NAA16: variants seen among roughly 807,000 people sequenced by gnomAD.
NAA16 encodes the protein NARG1-like protein.
In NAA16, 97 loss-of-function variants were observed where a neutral mutation model predicts 110.3. That is an observed-to-expected ratio of 0.88 (90% CI 0.75 to 1.04). The LOEUF (loss-of-function observed/expected upper bound fraction) is 1.04. Among genes scored for constraint, NAA16 ranks in the 50% least tolerant of loss-of-function variants. The pLI is 0.00. For missense variants in NAA16, 1,017 were observed against 1,005.1 expected (o/e 1.01, Z -0.16); for synonymous variants, 372 against 330.6 (o/e 1.13, Z -1.36).
At chr13:41,370,733 A>G (rs913646593) in intron 15 of NAA16, among the ~76,000 whole-genome samples, 2 of 152,206 alleles carry the variant, frequency 1.3e-5, no homozygotes, top group African/African-American at 4.8e-5. Context: ...CCAAAAGTGT[A>G]GAAGTGGCCT....
rs1487048970 is a variant in NAA16, at chr13:41,358,300, G to T, written c.1088-4G>T. The T allele has an allele frequency of 2.5e-6, 4 of 1,607,480 alleles. No individual in the cohort carries two copies. Among genetic ancestry groups the T allele is most frequent in the Admixed American group, 1.7e-5 (1 of 59,586 alleles). On this transcript the variant is annotated splice_polypyrimidine_tract_variant and splice_region_variant and intron_variant, in intron 10 of 19. Coordinates refer to ENST00000379406, the MANE Select transcript of NAA16 (RefSeq NM_024561.5). Reference sequence around the variant, plus strand: ...ATAATAATTTAATATTTGTTTGATTGCAGAGAATGGGGAGAAGGAACCCCC... The same window carrying T: ...ATAATAATTTAATATTTGTTTGATTTCAGAGAATGGGGAGAAGGAACCCCC...
intron 1 of NAA16, among the ~76,000 whole-genome samples, chr13:41,312,051 G>A (rs1468293974): frequency 6.6e-6 from 1 of 152,252 alleles, no homozygotes; most frequent in East Asian, 1.9e-4. Context: ...ATTAAAGCGG[G>A]ATCGATGCGA....
intron 12 of NAA16, among the ~76,000 whole-genome samples, chr13:41,359,184 T>C (rs973581921): frequency 2.6e-5 from 4 of 152,198 alleles, no homozygotes; most frequent in African/African-American, 9.7e-5. Context: ...TAAAAAACAA[T>C]AGCAAGAGCA....
In NAA16 at chr13:41,367,623, A is replaced by G. The variant is rs573626095; in HGVS notation, c.1724A>G (p.Asn575Ser). 20 of 1,609,608 alleles carry G rather than the reference A, an allele frequency of 1.2e-5. No individual in the cohort carries two copies. Among genetic ancestry groups the G allele is most frequent in the South Asian group, 1.1e-4 (10 of 90,300 alleles). ...AAATTGTATGATAATCCCTTAACCAATGAAAGCAAACAACAAGAAATAAAC... is the reference window on the plus strand; with the variant it reads ...AAATTGTATGATAATCCCTTAACCAGTGAAAGCAAACAACAAGAAATAAAC... The part of the protein sequence containing the change: ...YLKLYDNPLT[N>S]ESKQQEINSE... The change falls in exon 14 of 20, where the codon AAT becomes AGT. Residue 575 changes from asparagine (N) to serine (S), a missense_variant. Transcript: ENST00000379406.
intron 9 of NAA16, among the ~76,000 whole-genome samples, chr13:41,340,360 G>T (rs2042503372): frequency 6.6e-6 from 1 of 152,010 alleles, no homozygotes; most frequent in East Asian, 1.9e-4. Flanking sequence ...GTTAGTTATT[G>T]CCTTCTGCTA....
chr13:41,363,482 A>G (rs1202327144), intron 13 of NAA16, among the ~76,000 whole-genome samples: 2 of 152,202 alleles, frequency 1.3e-5, no homozygotes, highest in Non-Finnish European at 2.9e-5. Context: ...CATTTCTTCT[A>G]ACATTGATGA....
intron 1 of NAA16, among the ~76,000 whole-genome samples, chr13:41,311,783 C>T (rs112389360): frequency 0.053 from 8,033 of 152,294 alleles, 284 homozygotes; most frequent in Non-Finnish European, 0.074. Flanking sequence ...CCGTGCGCTT[C>T]CTTTCCGCGG....
chr13:41,331,323 C>G lies in NAA16; in HGVS notation c.861C>G (p.His287Gln), dbSNP rs754890077. The change falls in exon 8 of 20, where the codon CAC becomes CAG. Residue 287 changes from histidine to glutamine, a missense_variant. His to Gln is a conservative substitution (Grantham distance 24). Transcript: ENST00000379406. ...TTTATGAAGAAATTAGTAAGCAGCA[C>G]CCCAAAGCAATTACACCCAGAAGAT... ...LQIYEEISKQ[H>Q]PKAITPRRLP... 6.2e-7 allele frequency: 1 copy of G among 1,609,770 alleles called. No homozygotes were observed. Among genetic ancestry groups the G allele is most frequent in the Admixed American group, 1.7e-5 (1 of 59,934 alleles).
intron 7 of NAA16, among the ~76,000 whole-genome samples, chr13:41,329,841 T>TA (rs1295736712): frequency 3.9e-5 from 6 of 152,018 alleles, no homozygotes; most frequent in African/African-American, 1.4e-4. Flanking sequence ...CATGTTTTAC[T>TA]AAAATGAATA....
At chr13:41,367,384 G>C in intron 13 of NAA16, 55 bp from the exon 14 acceptor site, 1 of 1,264,690 alleles carries the variant, frequency 7.9e-7, no homozygotes, top group African/African-American at 1.5e-5. Flanking sequence ...TTTTTCTAAA[G>C]GTAGACATTA....
chr13:41,334,653 A>G lies in NAA16; in HGVS notation c.908-1997A>G, dbSNP rs2042329425. On this transcript the variant is annotated intron_variant, in intron 8 of 19. Coordinates refer to ENST00000379406, the MANE Select transcript of NAA16 (RefSeq NM_024561.5). ...ATGGAAAAAATGAGATGGATAAATA[A>G]TAAGTAATCTGGGGATATGGTATGT... Among the ~76,000 whole-genome samples, 4 of 152,218 alleles carry G rather than the reference A, an allele frequency of 2.6e-5. No individual in the cohort carries two copies. The South Asian group carries it at 6.2e-4, about 24-fold the overall frequency.
chr13:41,314,306 A>G (rs2041750609), intron 1 of NAA16, among the ~76,000 whole-genome samples: 1 of 152,224 alleles, frequency 6.6e-6, no homozygotes, highest in South Asian at 2.1e-4. Context: ...GTAAGTCAGA[A>G]AAACTAGTAT....
At position 41,353,771 on chromosome 13, in the gene NAA16, ACACACACAC is replaced by A. The variant is rs1403005250; in HGVS notation, c.1015-1372_1015-1364del. Among the ~76,000 whole-genome samples, 4 of 2,758 alleles carry A rather than the reference ACACACACAC, an allele frequency of 1.5e-3. No individual in the cohort carries two copies. In the African/African-American group the frequency reaches 0.015, roughly 10 times the overall value. 1.8% of individuals were successfully genotyped at this position (2,758 alleles called of 152,430 possible). A position where few individuals can be genotyped will look rare whatever the true frequency, so the allele number is the denominator to read the frequency against. On this transcript the variant is annotated intron_variant, in intron 9 of 19. Transcript: ENST00000379406. ...GACAGAGGGCGACCCTGTCTCTTACACACACACACACACACACACACACACACACACCCC... is the reference window on the plus strand; with the variant it reads ...GACAGAGGGCGACCCTGTCTCTTACAACACACACACACACACACACACCCC...
At chr13:41,363,043 G>T (rs2043144459) in intron 13 of NAA16, among the ~76,000 whole-genome samples, 1 of 152,120 alleles carries the variant, frequency 6.6e-6, no homozygotes, top group Admixed American at 6.5e-5. Flanking sequence ...CTCTGTTTTT[G>T]TTTTTTGTTT....
chr13:41,372,862 G>A, intron 17 of NAA16, 32 bp downstream of exon 17: 1 of 1,475,886 alleles, frequency 6.8e-7, no homozygotes, highest in South Asian at 1.4e-5. Context: ...ATTTACATTT[G>A]TGAATTATTT....
chr13:41,362,452 T>G (rs2043132382), intron 13 of NAA16: 1 of 336,620 alleles, frequency 3.0e-6, no homozygotes, highest in Admixed American at 4.6e-5. Context: ...ATTAGGCCAT[T>G]ATTTTGATAT....
At chr13:41,343,706 A>AT (rs1464971111) in intron 9 of NAA16, among the ~76,000 whole-genome samples, 1 of 151,732 alleles carries the variant, frequency 6.6e-6, no homozygotes, top group African/African-American at 2.4e-5. Flanking sequence ...ATTTTATTTT[A>AT]TTTTTTTGTA....
rs575911246 is a variant in NAA16, at chr13:41,331,879, G to T, written c.907+510G>T. Among the ~76,000 whole-genome samples, 163 of 152,238 alleles carry T rather than the reference G, an allele frequency of 1.1e-3. 1 individual carries two copies. The highest frequency in any genetic ancestry group is 3.8e-3 in the African/African-American group (157 of 41,548). On this transcript the variant is annotated intron_variant, in intron 8 of 19. Transcript: ENST00000379406. ...CTGACTTGATCGTTACACGTTCTCTGTATGTAACAAAATATCATGTACTGC... is the reference window on the plus strand; with the variant it reads ...CTGACTTGATCGTTACACGTTCTCTTTATGTAACAAAATATCATGTACTGC...
At chr13:41,325,341 A>T (rs2042064018) in intron 5 of NAA16, among the ~76,000 whole-genome samples, 1 of 151,980 alleles carries the variant, frequency 6.6e-6, no homozygotes, top group Non-Finnish European at 1.5e-5. Context: ...AATATCTCCA[A>T]GGTATACCTG....
Sources: allele counts gnomAD v4.1 joint callset (sites outside exome capture counted in the v4.1 genomes callset), GRCh38; gene constraint gnomAD v4.1.1; transcripts MANE v1.5; gene names NCBI Gene and HGNC (gene_info 2026-07-23, HGNC 2026-07-21).